The following ZNF827 variants were observed in gnomAD, a reference collection of about 807,000 sequenced individuals.
ZNF827 encodes the protein zinc finger protein 827.
In ZNF827, 13 loss-of-function variants were observed where a neutral mutation model predicts 102.4. The ratio of observed to expected loss-of-function variants is 0.13; its 90% CI spans 0.08 to 0.20. The LOEUF (loss-of-function observed/expected upper bound fraction) is 0.20. Ranked by LOEUF, ZNF827 falls within the 10% of genes least tolerant of loss-of-function variation. ZNF827 has a pLI of 1.00. For synonymous variants in ZNF827, 523 were observed against 536.2 expected (o/e 0.98, Z 0.34); for missense variants, 1,103 against 1,344.4 (o/e 0.82, Z 2.81).
chr4:145,793,258 T>TATATATATATG (rs1739954852), intron 8 of ZNF827, among the ~76,000 whole-genome samples: 2 of 35,052 alleles, frequency 5.7e-5, no homozygotes, highest in Admixed American at 7.5e-4. Context: ...GATATATATA[T>TATATATATATG]ATATATCTCT....
chr4:145,929,841 T>C (rs1490250261), intron 1 of ZNF827, among the ~76,000 whole-genome samples: 2 of 152,240 alleles, frequency 1.3e-5, no homozygotes, highest in African/African-American at 2.4e-5. Context: ...TTTGTATATG[T>C]ATTCAATTAT....
intron 8 of ZNF827, among the ~76,000 whole-genome samples, chr4:145,796,877 A>C (rs1477849348): frequency 6.6e-6 from 1 of 152,124 alleles, no homozygotes; most frequent in Non-Finnish European, 1.5e-5. Context: ...GTGATCCACC[A>C]GCCTCGGCCT....
chr4:145,880,213 G>A (rs961157868), intron 4 of ZNF827, among the ~76,000 whole-genome samples: 3 of 152,148 alleles, frequency 2.0e-5, no homozygotes, highest in Non-Finnish European at 4.4e-5. Flanking sequence ...CAGCCTGGGC[G>A]ACAGAGCCAG....
chr4:145,932,396 T>C (rs1266252636), intron 1 of ZNF827, among the ~76,000 whole-genome samples: 1 of 152,164 alleles, frequency 6.6e-6, no homozygotes, highest in Non-Finnish European at 1.5e-5. Context: ...TAAACTAGTT[T>C]ACCAACCCAG....
At chr4:145,811,149 G>T (rs1398848079) in intron 8 of ZNF827, among the ~76,000 whole-genome samples, 1 of 151,912 alleles carries the variant, frequency 6.6e-6, no homozygotes, top group Non-Finnish European at 1.5e-5. Context: ...GCACCACCAT[G>T]CCTGGCTAAT....
rs1176265393 is a variant in ZNF827, at chr4:145,857,908, T to G, written c.1982-8347A>C. On this transcript the variant is annotated intron_variant, in intron 5 of 14. Transcript: ENST00000508784. Reference sequence around the variant, plus strand: ...CATTTAAAAAAAATTAACCTATTTTTCATCTAATGTCCAGAATATACTTTT... The same window carrying G: ...CATTTAAAAAAAATTAACCTATTTTGCATCTAATGTCCAGAATATACTTTT... Among the ~76,000 whole-genome samples the G allele has an allele frequency of 2.6e-5, 4 of 152,174 alleles. No homozygotes were observed. The East Asian group carries it at 7.7e-4, about 29-fold the overall frequency.
chr4:145,856,361 A>G (rs567134747), intron 5 of ZNF827, among the ~76,000 whole-genome samples: 1 of 152,276 alleles, frequency 6.6e-6, no homozygotes, highest in South Asian at 2.1e-4. Flanking sequence ...GGGAAGTAAT[A>G]TATTAAAATT....
In ZNF827 at chr4:145,926,214, A is replaced by G. The variant is rs954050344; in HGVS notation, c.43+12151T>C. On this transcript the variant is annotated intron_variant, in intron 1 of 14. Transcript: ENST00000508784. ...ACAAATGAAGTATCGGTTATCACAC[A>G]CAAGCTGAGAATTTAGGATGAATAA... 7.2e-5 allele frequency among the ~76,000 whole-genome samples: 11 copies of G among 152,222 alleles called. No individual in the cohort carries two copies. In the South Asian group the frequency reaches 1.4e-3, roughly 20 times the overall value.
chr4:145,893,273 C>A (rs1750745488), intron 2 of ZNF827, among the ~76,000 whole-genome samples: 1 of 152,174 alleles, frequency 6.6e-6, no homozygotes, highest in Non-Finnish European at 1.5e-5. Context: ...TTTTGGTCTA[C>A]CAATTTATAT....
At chr4:145,928,528 A>T (rs1435860253) in intron 1 of ZNF827, among the ~76,000 whole-genome samples, 1 of 152,232 alleles carries the variant, frequency 6.6e-6, no homozygotes, top group Admixed American at 6.5e-5. Flanking sequence ...TACTGTGCAC[A>T]TACCCTATGC....
chr4:145,874,605 T>C (rs1403895246), intron 4 of ZNF827, among the ~76,000 whole-genome samples: 1 of 152,242 alleles, frequency 6.6e-6, no homozygotes, highest in Non-Finnish European at 1.5e-5. Context: ...GAATTCAAGA[T>C]GTTTTCTTTT....
At chr4:145,821,803 C>T (rs928751135) in intron 8 of ZNF827, among the ~76,000 whole-genome samples, 1 of 152,086 alleles carries the variant, frequency 6.6e-6, no homozygotes, top group Non-Finnish European at 1.5e-5. Context: ...ACGGAAAACC[C>T]CCCGATGCAC....
intron 7 of ZNF827, among the ~76,000 whole-genome samples, chr4:145,828,895 A>ACACCAGTATTTC (rs1743927830): frequency 6.6e-6 from 1 of 152,210 alleles, no homozygotes; most frequent in Admixed American, 6.5e-5. Context: ...GCCTATTGTG[A>ACACCAGTATTTC]CACCAGTATT....
At chr4:145,824,084 C>T (rs1032750755) in intron 7 of ZNF827, among the ~76,000 whole-genome samples, 5 of 152,136 alleles carry the variant, frequency 3.3e-5, no homozygotes, top group African/African-American at 9.7e-5. Flanking sequence ...AGTCAGAAAA[C>T]GGGGCTGCCA....
chr4:145,763,065 A>G lies in ZNF827; in HGVS notation c.*17+25T>C. ...CATTCCCAGGTCAGGTGCACACACAACCCCTACGCCAAGCTGGGCCTTACC... is the reference window on the plus strand; with the variant it reads ...CATTCCCAGGTCAGGTGCACACACAGCCCCTACGCCAAGCTGGGCCTTACC... On this transcript the variant is annotated intron_variant, in intron 14 of 14. Coordinates refer to ENST00000508784, the MANE Select transcript of ZNF827 (RefSeq NM_001306215.2). This position sits in a 1 kb window ranked among gnomAD's most constrained non-coding sequence, Gnocchi z 4.6. 6.5e-7 allele frequency: 1 copy of G among 1,534,844 alleles called. No individual in the cohort carries two copies. Among genetic ancestry groups the G allele is most frequent in the Non-Finnish European group, 8.7e-7 (1 of 1,146,146 alleles).
chr4:145,860,149 C>A (rs1747557065), intron 5 of ZNF827, among the ~76,000 whole-genome samples: 1 of 152,148 alleles, frequency 6.6e-6, no homozygotes. Flanking sequence ...AAAGTTCTTA[C>A]CAATATTTGA....
rs1734327495 is a variant in ZNF827 at position 145,760,462 on chromosome 4, CT to C, written c.*1153del. ...TTTAGGGTTTAACAAGACAAGATTC[CT>C]TTCAGAGAAAAGTACGGAGAAGGGC... On this transcript the variant is annotated 3_prime_UTR_variant, in exon 15 of 15. Transcript: ENST00000508784. The C allele has an allele frequency of 1.3e-5, 2 of 154,772 alleles. No individual in the cohort carries two copies. The highest frequency in any genetic ancestry group is 1.3e-4 in the Admixed American group (2 of 15,672). The allele number at this position is 154,772 out of a possible 1,614,324, so 9.6% of individuals were successfully genotyped here.
At chr4:145,785,624 C>G (rs989926501) in intron 8 of ZNF827, among the ~76,000 whole-genome samples, 1 of 152,124 alleles carries the variant, frequency 6.6e-6, no homozygotes, top group Non-Finnish European at 1.5e-5. Flanking sequence ...AAGGAGGAAC[C>G]TGAACGATCA....
At chr4:145,865,039 C>T (rs140752114) in intron 5 of ZNF827, among the ~76,000 whole-genome samples, 1 of 152,158 alleles carries the variant, frequency 6.6e-6, no homozygotes, top group Non-Finnish European at 1.5e-5. Context: ...TAATTAACCT[C>T]AAATAATTGT....
Sources: allele counts gnomAD v4.1 joint callset (sites outside exome capture counted in the v4.1 genomes callset), GRCh38; gene constraint gnomAD v4.1.1; non-coding constraint Gnocchi (gnomAD v3.1); transcripts MANE v1.5; gene names NCBI Gene and HGNC (gene_info 2026-07-23, HGNC 2026-07-21).